Variants in CTNND2 observed in about 807,000 individuals in gnomAD.
CTNND2 encodes the protein catenin delta 2, also known as catenin delta-2.
A neutral mutation model predicts 144.4 loss-of-function variants in CTNND2; 22 were observed. The observed-to-expected ratio is 0.15, with a 90% confidence interval of 0.11 to 0.22. The LOEUF is 0.22. CTNND2 is among the 10% of genes least tolerant of loss of function. The probability of loss-of-function intolerance (pLI) is 1.00; values close to 1 mark genes in which losing one functional copy is unlikely to be tolerated. For synonymous variants in CTNND2, 751 were observed against 695.6 expected (o/e 1.08, Z -1.25); for missense variants, 1,353 against 1,618.8 (o/e 0.84, Z 2.82).
intron 1 of CTNND2, among the ~76,000 whole-genome samples, chr5:11,762,237 G>C (rs571645388): frequency 6.6e-6 from 1 of 152,238 alleles, no homozygotes; most frequent in South Asian, 2.1e-4. Flanking sequence ...CAGCACAAGG[G>C]AGAGTAAGGA....
intron 9 of CTNND2, among the ~76,000 whole-genome samples, chr5:11,280,568 T>G (rs2149995422): frequency 6.6e-6 from 1 of 152,340 alleles, no homozygotes; most frequent in African/African-American, 2.4e-5. Context: ...GAGCTCCACC[T>G]TTGTGACTTC....
intron 2 of CTNND2, among the ~76,000 whole-genome samples, chr5:11,623,518 C>T (rs1445785292): frequency 6.6e-6 from 1 of 151,882 alleles, no homozygotes; most frequent in Non-Finnish European, 1.5e-5. Context: ...CATTAAACCT[C>T]TTTTTCTTTA....
Position 10,992,600 on chromosome 5 carries a change from G to A in CTNND2, c.3162C>T (p.Ser1054=). ...GCACAGGGGAGATGGAGGGCGTGCGGGAGGAGGAGTAGGGCCTTTGCCGGT... is the reference window on the plus strand; with the variant it reads ...GCACAGGGGAGATGGAGGGCGTGCGAGAGGAGGAGTAGGGCCTTTGCCGGT... ...ERDRQRPYSS[S]RTPSISPVRV... is the part of the protein sequence containing the mutation. Residue 1054 remains serine, a synonymous_variant, in exon 19 of 22, where the codon TCC becomes TCT. Transcript: ENST00000304623. The A allele has an allele frequency of 6.2e-7, 1 of 1,614,144 alleles. No homozygotes were observed.
At chr5:11,048,963 C>G (rs919163810) in intron 16 of CTNND2, among the ~76,000 whole-genome samples, 1 of 152,182 alleles carries the variant, frequency 6.6e-6, no homozygotes, top group Non-Finnish European at 1.5e-5. Flanking sequence ...TGGCCTCCAC[C>G]CACTAGGTGC....
chr5:11,322,660 G>T (rs1182323456), intron 9 of CTNND2, among the ~76,000 whole-genome samples: 1 of 151,950 alleles, frequency 6.6e-6, no homozygotes, highest in African/African-American at 2.4e-5. Flanking sequence ...ACAGCTATAG[G>T]ATAAAAAGTG....
chr5:11,303,712 C>A (rs929340205), intron 9 of CTNND2, among the ~76,000 whole-genome samples: 1 of 152,150 alleles, frequency 6.6e-6, no homozygotes, highest in African/African-American at 2.4e-5. Context: ...GGAAACCAAC[C>A]CAGCTGTTTC....
chr5:11,373,911 C>T (rs1351828474), intron 7 of CTNND2, among the ~76,000 whole-genome samples: 1 of 152,192 alleles, frequency 6.6e-6, no homozygotes, highest in Non-Finnish European at 1.5e-5. Flanking sequence ...GCATGCTACA[C>T]CTAGGGGCAT....
intron 9 of CTNND2, among the ~76,000 whole-genome samples, chr5:11,262,589 C>T (rs181172535): frequency 4.0e-5 from 6 of 151,428 alleles, no homozygotes; most frequent in African/African-American, 1.2e-4. Flanking sequence ...GGTGAAACCC[C>T]GTCTCTACTA....
At chr5:11,351,983 A>T (rs563700882) in intron 8 of CTNND2, among the ~76,000 whole-genome samples, 2 of 152,202 alleles carry the variant, frequency 1.3e-5, no homozygotes, top group Admixed American at 6.5e-5. Context: ...CCAATCTGGC[A>T]TATATCCAAG....
At chr5:11,876,704 T>C (rs1735596011) in intron 1 of CTNND2, among the ~76,000 whole-genome samples, 1 of 152,206 alleles carries the variant, frequency 6.6e-6, no homozygotes, top group African/African-American at 2.4e-5. Context: ...ATGATGTAGA[T>C]TGAAAAGGTG....
At chr5:11,495,875 C>T (rs1308250363) in intron 3 of CTNND2, among the ~76,000 whole-genome samples, 1 of 152,116 alleles carries the variant, frequency 6.6e-6, no homozygotes, top group Non-Finnish European at 1.5e-5. Flanking sequence ...GCTCCCACTC[C>T]CCCCAGTGAC....
chr5:11,060,113 C>T (rs993412296), intron 16 of CTNND2, among the ~76,000 whole-genome samples: 3 of 152,098 alleles, frequency 2.0e-5, no homozygotes, highest in Non-Finnish European at 4.4e-5. Context: ...AGTCTCCTGC[C>T]AAGCCATGCA....
chr5:11,126,301 CA>C (rs899747764), intron 12 of CTNND2, among the ~76,000 whole-genome samples: 15 of 150,024 alleles, frequency 1.0e-4, no homozygotes, highest in African/African-American at 3.4e-4. Flanking sequence ...AACTCTGTCT[CA>C]AAAAAAAAGA....
intron 7 of CTNND2, among the ~76,000 whole-genome samples, chr5:11,381,978 AAAAC>A (rs1234831912): frequency 8.0e-5 from 7 of 87,702 alleles, no homozygotes; most frequent in African/African-American, 2.4e-4. Context: ...AAAAAACAAA[AAAAC>A]AAAACAAAAC....
intron 2 of CTNND2, among the ~76,000 whole-genome samples, chr5:11,576,963 A>G (rs1778020361): frequency 6.6e-6 from 1 of 152,162 alleles, no homozygotes; most frequent in Non-Finnish European, 1.5e-5. Flanking sequence ...CTGCTGCTGA[A>G]TTTCTGTTAA....
intron 1 of CTNND2, among the ~76,000 whole-genome samples, chr5:11,768,186 G>A (rs1024838533): frequency 9.2e-5 from 14 of 152,160 alleles, no homozygotes; most frequent in Non-Finnish European, 1.9e-4. Context: ...GACAATCACT[G>A]CACAATATTA....
chr5:11,743,050 T>C (rs1788104278), intron 1 of CTNND2, among the ~76,000 whole-genome samples: 1 of 152,184 alleles, frequency 6.6e-6, no homozygotes, highest in African/African-American at 2.4e-5. Context: ...AAGAGAAATC[T>C]AAAGTTATCG....
intron 3 of CTNND2, among the ~76,000 whole-genome samples, chr5:11,516,705 T>C (rs923620376): frequency 6.6e-6 from 1 of 152,192 alleles, no homozygotes; most frequent in Non-Finnish European, 1.5e-5. Flanking sequence ...TCCATGTTCA[T>C]GGACAAGAAA....
At chr5:11,428,440 A>C (rs1179021701) in intron 3 of CTNND2, among the ~76,000 whole-genome samples, 2 of 152,320 alleles carry the variant, frequency 1.3e-5, no homozygotes, top group South Asian at 4.1e-4. Context: ...CACTTGCCTT[A>C]GATGAGGCCA....
Sources: gnomAD v4.1 joint callset for allele counts (sites outside exome capture counted in the v4.1 genomes callset) on GRCh38, gnomAD v4.1.1 for gene constraint, MANE v1.5 for transcripts, NCBI Gene and HGNC (gene_info 2026-07-23, HGNC 2026-07-21) for gene names.